KL: variants seen among roughly 807,000 people sequenced by gnomAD.
The protein encoded by KL is alpha-klotho.
KL carries 62 observed loss-of-function variants against 84.2 expected under a neutral mutation model. The ratio of observed to expected loss-of-function variants is 0.74; its 90% CI spans 0.60 to 0.91. The LOEUF is 0.91. KL is among the 40% of genes least tolerant of loss of function. The probability of loss-of-function intolerance (pLI) is 0.00; values close to 1 mark genes in which losing one functional copy is unlikely to be tolerated. For missense variants in KL, 1,261 were observed against 1,305.7 expected (o/e 0.97, Z 0.53); for synonymous variants, 528 against 528.0 (o/e 1.00, Z 0.00).
At chr13:33,027,515 G>A (rs1870822745) in intron 1 of KL, among the ~76,000 whole-genome samples, 2 of 152,214 alleles carry the variant, frequency 1.3e-5, no homozygotes, top group African/African-American at 2.4e-5. Context: ...TCCACTGTAG[G>A]AGAGAAGGCT....
rs1188340646 is a variant in KL, at chr13:33,063,253, G to GAA, written c.2702-585_2702-584dup. On this transcript the variant is annotated intron_variant, in intron 4 of 4. Transcript: ENST00000380099. ...ACAACCTTCAGCTTCATGGAAAAAGGAAAAAAAAAAAACACATACACACAC... is the reference window on the plus strand; with the variant it reads ...ACAACCTTCAGCTTCATGGAAAAAGGAAAAAAAAAAAAAACACATACACACAC... 2.2e-5 allele frequency among the ~76,000 whole-genome samples: 3 copies of GAA among 138,404 alleles called. No homozygotes were observed. In the Admixed American group the frequency reaches 2.2e-4, roughly 10 times the overall value. 90.8% of individuals were successfully genotyped at this position (138,404 alleles called of 152,430 possible).
intron 1 of KL, among the ~76,000 whole-genome samples, chr13:33,041,199 G>A (rs1211260938): frequency 2.0e-5 from 3 of 152,054 alleles, no homozygotes; most frequent in Admixed American, 1.3e-4. Context: ...TATGTACTGG[G>A]AATCACAACA....
chr13:33,058,441 C>T (rs1036619296), intron 3 of KL, among the ~76,000 whole-genome samples: 6 of 151,506 alleles, frequency 4.0e-5, no homozygotes, highest in Admixed American at 2.0e-4. Flanking sequence ...CCTAAGGTCA[C>T]GCCATTCTCC....
At chr13:33,050,820 T>G (rs1286538211) in intron 1 of KL, among the ~76,000 whole-genome samples, 4 of 152,222 alleles carry the variant, frequency 2.6e-5, no homozygotes, top group Non-Finnish European at 5.9e-5. Context: ...AATAATCAAC[T>G]ACTTAAAAGA....
intron 1 of KL, among the ~76,000 whole-genome samples, chr13:33,035,537 AC>A (rs1173104580): frequency 6.6e-6 from 1 of 152,208 alleles, no homozygotes; most frequent in Non-Finnish European, 1.5e-5. Flanking sequence ...ACCATGGAAT[AC>A]TTTTGCTGAC....
At position 33,057,529 on chromosome 13, in the gene KL, T is replaced by C. The variant is rs116754592; in HGVS notation, c.1599+2214T>C. Among the ~76,000 whole-genome samples, 373 of 152,300 alleles carry C rather than the reference T, an allele frequency of 2.4e-3. 1 individual carries two copies. Among genetic ancestry groups the C allele is most frequent in the African/African-American group, 8.6e-3 (356 of 41,552 alleles). The stretch of plus-strand genomic sequence containing the variant: ...TAGAATCTGACCTAAGGTCAGCCAC[T>C]AATTGGCCCCAGAGGTCTCTCTCTC... On this transcript the variant is annotated intron_variant, in intron 3 of 4. Transcript: ENST00000380099.
At chr13:33,034,354 T>C (rs1469894162) in intron 1 of KL, among the ~76,000 whole-genome samples, 2 of 152,204 alleles carry the variant, frequency 1.3e-5, no homozygotes, top group Non-Finnish European at 2.9e-5. Context: ...ATTTGCTGCT[T>C]ACCATGGATT....
At chr13:33,031,125 G>C (rs1870956259) in intron 1 of KL, among the ~76,000 whole-genome samples, 1 of 152,214 alleles carries the variant, frequency 6.6e-6, no homozygotes, top group Non-Finnish European at 1.5e-5. Context: ...CTAGCTCAAT[G>C]AATGTATAGA....
chr13:33,047,322 T>C (rs1209980759), intron 1 of KL, among the ~76,000 whole-genome samples: 2 of 151,790 alleles, frequency 1.3e-5, no homozygotes, highest in African/African-American at 4.8e-5. Flanking sequence ...GCACACAGAA[T>C]GTAATTGAAA....
chr13:33,056,890 C>T (rs1262633712), intron 3 of KL, among the ~76,000 whole-genome samples: 2 of 152,204 alleles, frequency 1.3e-5, no homozygotes, highest in African/African-American at 4.8e-5. Flanking sequence ...CCCTCCTGCT[C>T]GGTGTGCAAT....
chr13:33,059,494 ATGAAGTCTCGCTC>A (rs1872091077), intron 3 of KL, among the ~76,000 whole-genome samples: 1 of 149,618 alleles, frequency 6.7e-6, no homozygotes, highest in South Asian at 2.1e-4. Flanking sequence ...TTTTTTTGAG[ATGAAGTCTCGCTC>A]TGTCACTCAG....
chr13:33,059,893 A>G (rs1437006506), intron 3 of KL, among the ~76,000 whole-genome samples: 1 of 152,192 alleles, frequency 6.6e-6, no homozygotes, highest in Non-Finnish European at 1.5e-5. Context: ...GCAAACCTCA[A>G]TTTAGAGCGT....
rs371355354 is a variant in KL at position 33,054,014 on chromosome 13, A to G, written c.1067A>G (p.Glu356Gly). Residue 356 changes from glutamate to glycine, a missense_variant, in exon 2 of 5, where the codon GAG (glutamate) becomes GGG (glycine). By Grantham distance (98) the Glu-to-Gly change is moderately conservative. Coordinates refer to ENST00000380099, the MANE Select transcript of KL (RefSeq NM_004795.4). ...ATTCTGCCTGATTTTACTGAATCTG[A>G]GAAAAAGTTCATCAAAGGAACTGCT... ...SSILPDFTES[E>G]KKFIKGTADF... 5.6e-6 allele frequency: 9 copies of G among 1,613,102 alleles called. No individual in the cohort carries two copies. Among genetic ancestry groups the G allele is most frequent in the Non-Finnish European group, 7.6e-6 (9 of 1,179,276 alleles).
Position 33,053,846 on chromosome 13 carries a change from C to T in KL, c.899C>T (p.Ser300Phe). Residue 300 changes from serine (S) to phenylalanine (F), a missense_variant, in exon 2 of 5, where the codon TCT becomes TTT. Physicochemically the swap from Ser to Phe is radical, Grantham distance 155. Transcript: ENST00000380099. ...QGGQVSIALS[S>F]HWINPRRMTD... ...GGTCAGGTGTCCATTGCCCTAAGCT[C>T]TCACTGGATCAATCCTCGAAGAATG... 1 of 1,614,128 alleles carries T rather than the reference C, an allele frequency of 6.2e-7. No individual in the cohort carries two copies. The highest frequency in any genetic ancestry group is 2.2e-5 in the East Asian group (1 of 44,884).
At chr13:33,061,911 A>T in intron 4 of KL, 131 bp downstream of exon 4, 1 of 921,036 alleles carries the variant, frequency 1.1e-6, no homozygotes, top group South Asian at 1.4e-5. Flanking sequence ...TGCCTCACTG[A>T]AACAGTCCAA....
Position 33,055,087 on chromosome 13 carries a change from A to C in KL, c.1371A>C (p.Ala457=), listed in dbSNP as rs150268586. ...GGGTGGATGTCATCGGGTATACCGC[A>C]TGGTCCCTCATGGATGGTTTCGAGT... is the stretch of plus-strand genomic sequence containing the variant. The part of the protein sequence containing the change: ...LDGVDVIGYT[A]WSLMDGFEWH... The change falls in exon 3 of 5, where the codon GCA becomes GCC. Residue 457 remains alanine, a synonymous_variant. Transcript: ENST00000380099. The C allele has an allele frequency of 3.7e-4, 600 of 1,614,150 alleles. 4 individuals carry two copies. The African/African-American group carries it at 6.9e-3, about 18-fold the overall frequency.
rs1271381993 is a variant in KL at position 33,017,104 on chromosome 13, C to G, written c.664C>G (p.Leu222Val). ...LADHFRDYAELCFRHFGGQVK... is the reference protein window; with the variant it reads ...LADHFRDYAEVCFRHFGGQVK... Reference sequence around the variant, plus strand: ...CGACCACTTCAGGGATTACGCGGAGCTCTGCTTCCGCCACTTCGGCGGTCA... The same window carrying G: ...CGACCACTTCAGGGATTACGCGGAGGTCTGCTTCCGCCACTTCGGCGGTCA... The change falls in exon 1 of 5, where the codon CTC becomes GTC. Residue 222 changes from leucine (L) to valine (V), a missense_variant. Transcript: ENST00000380099. The G allele has an allele frequency of 6.2e-7, 1 of 1,605,174 alleles. No individual in the cohort carries two copies. Among genetic ancestry groups the G allele is most frequent in the African/African-American group, 1.3e-5 (1 of 74,930 alleles).
In KL at chr13:33,061,073, C is replaced by A. The variant is rs1364191775; in HGVS notation, c.1994C>A (p.Ala665Asp). 7.4e-6 allele frequency: 12 copies of A among 1,612,916 alleles called. No homozygotes were observed. Among genetic ancestry groups the A allele is most frequent in the African/African-American group, 5.3e-5 (4 of 74,916 alleles). Reference protein sequence around the residue: ...GAWENPYTALAFAEYARLCFQ... With the variant: ...GAWENPYTALDFAEYARLCFQ... ...TGGGAGAACCCCTACACTGCCCTGG[C>A]CTTTGCAGAGTATGCCCGACTGTGC... Residue 665 changes from alanine (A) to aspartate (D), a missense_variant, in exon 4 of 5, where the codon GCC (alanine) becomes GAC (aspartate). Coordinates refer to ENST00000380099, the MANE Select transcript of KL (RefSeq NM_004795.4).
chr13:33,044,790 A>G (rs1484272739), intron 1 of KL, among the ~76,000 whole-genome samples: 2 of 151,816 alleles, frequency 1.3e-5, no homozygotes, highest in East Asian at 1.9e-4. Context: ...AGCTGGGACT[A>G]TGGGTGTGAG....
Sources: gnomAD v4.1 joint callset for allele counts (sites outside exome capture counted in the v4.1 genomes callset) on GRCh38, gnomAD v4.1.1 for gene constraint, MANE v1.5 for transcripts, NCBI Gene and HGNC (gene_info 2026-07-23, HGNC 2026-07-21) for gene names.